The following RNF40 variants were observed in gnomAD, a reference collection of about 807,000 sequenced individuals.
RNF40 encodes the protein E3 ubiquitin-protein ligase BRE1B.
A neutral mutation model predicts 123.3 loss-of-function variants in RNF40; 39 were observed. The observed-to-expected ratio is 0.32, with a 90% CI of 0.24 to 0.41. RNF40 has a LOEUF of 0.41. RNF40 is among the 10% of genes least tolerant of loss of function. RNF40 has a pLI of 1.00. For missense variants in RNF40, 1,003 were observed against 1,319.9 expected, an observed-to-expected ratio of 0.76 and a Z score of 3.72; for synonymous variants, 538 against 526.0, an observed-to-expected ratio of 1.02 and a Z score of -0.31.
chr16:30,766,018 C>T lies in RNF40; in HGVS notation c.994-145C>T, dbSNP rs2054024429. ...AATTTTCTCCCATTTTTCTGGGAGC[C>T]CTTAGGAAAGTACTTGGTTTGGGGT... On this transcript the variant is annotated intron_variant, in intron 8 of 19. Coordinates refer to ENST00000324685, the MANE Select transcript of RNF40 (RefSeq NM_014771.4). The surrounding 1 kb of genome is among the most constrained non-coding windows in gnomAD (Gnocchi z 5.4). The T allele has an allele frequency of 1.5e-5, 17 of 1,149,442 alleles. No individual in the cohort carries two copies. In the South Asian group the frequency reaches 2.0e-4, roughly 14 times the overall value. The allele number at this position is 1,149,442 out of a possible 1,614,324, so 71.2% of individuals were successfully genotyped here. A position where few individuals can be genotyped will look rare whatever the true frequency, so the allele number is the denominator to read the frequency against.
At position 30,774,728 on chromosome 16, in the gene RNF40, G is replaced by C. The variant is rs886983766; in HGVS notation, c.*614G>C. The C allele has an allele frequency of 3.2e-5, 11 of 342,168 alleles. No individual in the cohort carries two copies. The highest frequency in any genetic ancestry group is 4.6e-5 in the Non-Finnish European group (8 of 173,566). The allele number at this position is 342,168 out of a possible 1,614,324, so 21.2% of individuals were successfully genotyped here. Reference sequence around the variant, plus strand: ...CTTGCTTCCTTTGGGAAGCTCTAAGGTTGCTGCAGTCACCTTCCTCATCTT... The same window carrying C: ...CTTGCTTCCTTTGGGAAGCTCTAAGCTTGCTGCAGTCACCTTCCTCATCTT... On this transcript the variant is annotated 3_prime_UTR_variant, in exon 20 of 20. Transcript: ENST00000324685.
Position 30,769,545 on chromosome 16 carries a change from G to A in RNF40, c.2531G>A (p.Gly844Asp), listed in dbSNP as rs751409393. ...KERALQGSLG[G>D]VEKELTLRSQ... ...CGAGCCTTGCAGGGCAGCCTCGGGG[G>A]TGTGGAGAAGGAGCTGACGCTGCGC... is the stretch of plus-strand genomic sequence containing the variant. Residue 844 changes from glycine to aspartate, a missense_variant, in exon 17 of 20, where the codon GGT becomes GAT. Coordinates refer to ENST00000324685, the MANE Select transcript of RNF40 (RefSeq NM_014771.4). The A allele has an allele frequency of 2.5e-6, 4 of 1,612,364 alleles. No individual in the cohort carries two copies. Among genetic ancestry groups the A allele is most frequent in the East Asian group, 2.2e-5 (1 of 44,806 alleles).
At position 30,769,259 on chromosome 16, in the gene RNF40, G is replaced by A. The variant is rs754139621; in HGVS notation, c.2321G>A (p.Arg774Gln). ...GAGGACATGCAGGAACAGAACGGGC[G>A]GCTGCTACAGCAGTTGCGGGAAAAG... The part of the protein sequence containing the change: ...AFEDMQEQNG[R>Q]LLQQLREKDD... The change falls in exon 16 of 20, where the codon CGG becomes CAG. Residue 774 changes from arginine (R) to glutamine (Q), a missense_variant. Around this residue, in one of 11 missense-constraint regions of RNF40, gnomAD observed 25 missense variants for 72.6 expected, o/e 0.34. Transcript: ENST00000324685. 1.1e-5 allele frequency: 17 copies of A among 1,614,108 alleles called. No homozygotes were observed. The highest frequency in any genetic ancestry group is 1.1e-5 in the South Asian group (1 of 91,086).
chr16:30,762,625 A>C lies in RNF40; in HGVS notation c.80A>C (p.Lys27Thr). The change falls in exon 2 of 20, where the codon AAG (lysine) becomes ACG (threonine). Residue 27 changes from lysine to threonine, a missense_variant. Physicochemically the swap from Lys to Thr is moderately conservative, Grantham distance 78. Around this residue, in one of 11 missense-constraint regions of RNF40, gnomAD observed 51 missense variants for 56.2 expected, o/e 0.91. Coordinates refer to ENST00000324685, the MANE Select transcript of RNF40 (RefSeq NM_014771.4). ...GAAAAGAAGCTGAGTCGTGAGGAGA[A>C]GACCACCACGACTCTTATCGAGCCC... is the stretch of plus-strand genomic sequence containing the variant. ...PPEKKLSREEKTTTTLIEPIR... is the reference protein window; with the variant it reads ...PPEKKLSREETTTTTLIEPIR... 1.9e-6 allele frequency: 3 copies of C among 1,612,148 alleles called. No homozygotes were observed. Among genetic ancestry groups the C allele is most frequent in the South Asian group, 2.2e-5 (2 of 90,922 alleles).
intron 5 of RNF40, among the ~76,000 whole-genome samples, chr16:30,764,594 G>A (rs1377516668): frequency 2.0e-5 from 3 of 152,220 alleles, no homozygotes; most frequent in Non-Finnish European, 2.9e-5. Flanking sequence ...ATGGGTTGGA[G>A]GAGTTGTTGA....
chr16:30,761,655 G>C (rs549473011), upstream of RNF40: 89 of 1,535,796 alleles, frequency 5.8e-5, no homozygotes, highest in Non-Finnish European at 7.6e-5. Context: ...ACTGAGCTGC[G>C]ATCCTTCCCC....
In RNF40 at chr16:30,766,098, G is replaced by A; in HGVS notation, c.994-65G>A. On this transcript the variant is annotated intron_variant, in intron 8 of 19. Transcript: ENST00000324685. This position sits in a 1 kb window ranked among gnomAD's most constrained non-coding sequence, Gnocchi z 5.4. ...TGCTTGGGGTGGAGTGTATGCTGGGGATGTAAGGGAGGCCTGCTGCCACGT... is the reference window on the plus strand; with the variant it reads ...TGCTTGGGGTGGAGTGTATGCTGGGAATGTAAGGGAGGCCTGCTGCCACGT... The A allele has an allele frequency of 1.2e-6, 2 of 1,609,008 alleles. No homozygotes were observed. The highest frequency in any genetic ancestry group is 1.7e-6 in the Non-Finnish European group (2 of 1,177,326).
rs1262775924 is a variant in RNF40, at chr16:30,768,183, C to T, written c.1632C>T (p.Ala544=). ...AGGATTCTGGCGTCAGTGCCCCAGCCCCAGGGAAAGAGGAGGGTGGGCCAG... is the reference window on the plus strand; with the variant it reads ...AGGATTCTGGCGTCAGTGCCCCAGCTCCAGGGAAAGAGGAGGGTGGGCCAG... ...HPEDSGVSAP[A]PGKEEGGPGP... Residue 544 remains alanine (A), a synonymous_variant, in exon 13 of 20, where the codon GCC becomes GCT. Coordinates refer to ENST00000324685, the MANE Select transcript of RNF40 (RefSeq NM_014771.4). This position sits in a 1 kb window ranked among gnomAD's most constrained non-coding sequence, Gnocchi z 4.1. 3 of 1,612,938 alleles carry T rather than the reference C, an allele frequency of 1.9e-6. No individual in the cohort carries two copies. Among genetic ancestry groups the T allele is most frequent in the African/African-American group, 1.3e-5 (1 of 75,030 alleles).
At chr16:30,770,521 C>G (rs984631528) in intron 17 of RNF40, among the ~76,000 whole-genome samples, 1 of 152,176 alleles carries the variant, frequency 6.6e-6, no homozygotes, top group Non-Finnish European at 1.5e-5. Context: ...TCCTTGACTC[C>G]AGGCTCTACC....
intron 19 of RNF40, among the ~76,000 whole-genome samples, chr16:30,772,728 G>A (rs537365718): frequency 3.8e-4 from 58 of 152,358 alleles, no homozygotes; most frequent in Admixed American, 1.4e-3. Context: ...AGGTTGGGCC[G>A]TGTCACCTCC....
chr16:30,770,146 G>C (rs924652656), intron 17 of RNF40, among the ~76,000 whole-genome samples: 1 of 39,932 alleles, frequency 2.5e-5, no homozygotes, highest in African/African-American at 1.1e-4. Flanking sequence ...TTGTTCTGTC[G>C]CCCGGGCTGG....
At position 30,766,731 on chromosome 16, in the gene RNF40, C is replaced by T. The variant is rs750173538; in HGVS notation, c.1294-10C>T. The stretch of plus-strand genomic sequence containing the variant: ...GGGGCTGTGTGGGTCCTTAACACAT[C>T]AACCCACAGAGCGACGAGCTGGGGC... On this transcript the variant is annotated splice_polypyrimidine_tract_variant and intron_variant, in intron 10 of 19. Transcript: ENST00000324685. This position sits in a 1 kb window ranked among gnomAD's most constrained non-coding sequence, Gnocchi z 5.4. 2.0e-5 allele frequency: 32 copies of T among 1,613,860 alleles called. No homozygotes were observed. The highest frequency in any genetic ancestry group is 2.6e-5 in the Non-Finnish European group (31 of 1,179,956).
chr16:30,776,033 A>G lies in RNF40; in HGVS notation c.*1919A>G, dbSNP rs2054229665. 6.6e-6 allele frequency: 1 copy of G among 152,136 alleles called. No individual in the cohort carries two copies. Among genetic ancestry groups the G allele is most frequent in the African/African-American group, 2.4e-5 (1 of 41,412 alleles). The allele number at this position is 152,136 out of a possible 1,614,324, so 9.4% of individuals were successfully genotyped here. A position where few individuals can be genotyped will look rare whatever the true frequency, so the allele number is the denominator to read the frequency against. ...GGGCAGCGGTGCGAGGGTGGGAAAA[A>G]CGCAGGATATTGCATCATAGAGACG... On this transcript the variant is annotated 3_prime_UTR_variant, in exon 20 of 20. Coordinates refer to ENST00000324685, the MANE Select transcript of RNF40 (RefSeq NM_014771.4).
rs1221484746 is a variant in RNF40 at position 30,775,030 on chromosome 16, G to A, written c.*916G>A. 2 of 456,404 alleles carry A rather than the reference G, an allele frequency of 4.4e-6. No individual in the cohort carries two copies. Among genetic ancestry groups the A allele is most frequent in the African/African-American group, 4.0e-5 (2 of 50,072 alleles). 28.3% of individuals were successfully genotyped at this position (456,404 alleles called of 1,614,324 possible). A position where few individuals can be genotyped will look rare whatever the true frequency, so the allele number is the denominator to read the frequency against. On this transcript the variant is annotated 3_prime_UTR_variant, in exon 20 of 20. Coordinates refer to ENST00000324685, the MANE Select transcript of RNF40 (RefSeq NM_014771.4). ...CACCCTGTGACTGAGCCTGTGTCCT[G>A]TCTGCCTGCCCAGCCATGCTCCATC...
rs1319394739 is a variant in RNF40 at position 30,767,995 on chromosome 16, G to C, written c.1531G>C (p.Val511Leu). 1 of 1,614,234 alleles carries C rather than the reference G, an allele frequency of 6.2e-7. No homozygotes were observed. Among genetic ancestry groups the C allele is most frequent in the Admixed American group, 1.7e-5 (1 of 60,032 alleles). ...GCGATACAAGCGGAAGCTTCGAGAA[G>C]TACAAGCTGAGATTGGCAAGGTGAG... ...AQRYKRKLREVQAEIGKLRAQ... is the reference protein window; with the variant it reads ...AQRYKRKLRELQAEIGKLRAQ... Residue 511 changes from valine (V) to leucine (L), a missense_variant, in exon 12 of 20, where the codon GTA (valine) becomes CTA (leucine). Physicochemically the swap from Val to Leu is conservative, Grantham distance 32. Coordinates refer to ENST00000324685, the MANE Select transcript of RNF40 (RefSeq NM_014771.4).
At position 30,762,471 on chromosome 16, in the gene RNF40, G is replaced by T. The variant is rs2151323779; in HGVS notation, c.-71-4G>T. ...CCCACATCTCTGCTCTGTGTCTTCT[G>T]CAGGTGACGGAAGTACCGCCTCCTC... is the stretch of plus-strand genomic sequence containing the variant. On this transcript the variant is annotated splice_polypyrimidine_tract_variant and splice_region_variant and intron_variant, in intron 1 of 19. Transcript: ENST00000324685. 1 of 1,438,952 alleles carries T rather than the reference G, an allele frequency of 6.9e-7. No individual in the cohort carries two copies. Among genetic ancestry groups the T allele is most frequent in the South Asian group, 1.3e-5 (1 of 74,184 alleles). The allele number at this position is 1,438,952 out of a possible 1,614,324, so 89.1% of individuals were successfully genotyped here.
chr16:30,761,682 C>A, upstream of RNF40: 1 of 1,535,866 alleles, frequency 6.5e-7, no homozygotes, highest in Non-Finnish European at 8.7e-7. Context: ...CGCCGCAGCT[C>A]GGAGAGATGT....
intron 19 of RNF40, chr16:30,773,726 G>T (rs143590869): frequency 8.5e-4 from 398 of 468,390 alleles, no homozygotes; most frequent in African/African-American, 6.1e-3. Flanking sequence ...GCCCAGTGAT[G>T]AATCCGGACT....
Position 30,765,409 on chromosome 16 carries a change from T to C in RNF40, c.919-16T>C. ...CTCCCCTCTACATCCATTGCCTGTC[T>C]GTTTTCTCTCCACAGCTTAACTCTG... On this transcript the variant is annotated splice_polypyrimidine_tract_variant and intron_variant, in intron 7 of 19. Transcript: ENST00000324685. 6.2e-7 allele frequency: 1 copy of C among 1,614,224 alleles called. No individual in the cohort carries two copies. The highest frequency in any genetic ancestry group is 8.5e-7 in the Non-Finnish European group (1 of 1,180,018).
Sources: gnomAD v4.1 joint callset for allele counts (sites outside exome capture counted in the v4.1 genomes callset) on GRCh38, gnomAD v4.1.1 for gene constraint, gnomAD v4.1.1 regional missense constraint, Gnocchi (gnomAD v3.1) non-coding constraint, MANE v1.5 for transcripts, NCBI Gene and HGNC (gene_info 2026-07-23, HGNC 2026-07-21) for gene names.